PTPRJ: variants seen among roughly 807,000 people sequenced by gnomAD.
PTPRJ encodes protein tyrosine phosphatase receptor type J.
In PTPRJ, 129 loss-of-function variants were observed where a neutral mutation model predicts 141.3. The ratio of observed to expected loss-of-function variants is 0.91; its 90% confidence interval spans 0.79 to 1.06. The LOEUF is 1.06. Ranked by LOEUF, PTPRJ falls within the 50% of genes least tolerant of loss-of-function variation. PTPRJ has a pLI of 0.00. For synonymous variants in PTPRJ, 610 were observed against 640.5 expected, an observed-to-expected ratio of 0.95 and a Z score of 0.72; for missense variants, 1,601 against 1,679.7, an observed-to-expected ratio of 0.95 and a Z score of 0.82.
intron 1 of PTPRJ, among the ~76,000 whole-genome samples, chr11:48,077,571 G>A (rs1019938263): frequency 9.9e-5 from 15 of 152,036 alleles, no homozygotes; most frequent in African/African-American, 3.6e-4. Flanking sequence ...GACTCCCCCC[G>A]ACAGCCTTAC....
intron 1 of PTPRJ, among the ~76,000 whole-genome samples, chr11:48,027,033 C>G (rs1485859822): frequency 2.7e-5 from 3 of 109,514 alleles, no homozygotes; most frequent in South Asian, 3.2e-4. Flanking sequence ...GAGACGGCGT[C>G]TCGCTTTGTT....
At chr11:48,058,156 C>G (rs879324182) in intron 1 of PTPRJ, among the ~76,000 whole-genome samples, 1 of 152,140 alleles carries the variant, frequency 6.6e-6, no homozygotes, top group African/African-American at 2.4e-5. Context: ...AAGTGACCCA[C>G]CTGCCTCTGA....
rs1165128292 is a variant in PTPRJ at position 48,123,881 on chromosome 11, A to G, written c.874+11A>G. On this transcript the variant is annotated intron_variant, in intron 5 of 24. Transcript: ENST00000418331. Reference sequence around the variant, plus strand: ...CAGAAGGTGGCTTGGGTGAGTTACAAAGGGTACCTTCCGTCTCCCTTACTG... The same window carrying G: ...CAGAAGGTGGCTTGGGTGAGTTACAGAGGGTACCTTCCGTCTCCCTTACTG... 3 of 1,611,674 alleles carry G rather than the reference A, an allele frequency of 1.9e-6. No homozygotes were observed. The highest frequency in any genetic ancestry group is 2.5e-6 in the Non-Finnish European group (3 of 1,178,334).
intron 17 of PTPRJ, 48 bp downstream of exon 17, chr11:48,150,046 A>G (rs768577328): frequency 5.2e-6 from 8 of 1,546,368 alleles, no homozygotes; most frequent in Non-Finnish European, 7.1e-6. Flanking sequence ...TTTCTATTGA[A>G]TATGGACTTC....
At chr11:47,996,866 A>G (rs1854351253) in intron 1 of PTPRJ, among the ~76,000 whole-genome samples, 1 of 152,208 alleles carries the variant, frequency 6.6e-6, no homozygotes. Flanking sequence ...CTCTTATTTC[A>G]GAAGACCTGT....
intron 1 of PTPRJ, among the ~76,000 whole-genome samples, chr11:48,091,532 C>T (rs1017572247): frequency 6.6e-6 from 1 of 152,190 alleles, no homozygotes; most frequent in Non-Finnish European, 1.5e-5. Flanking sequence ...AAGTCACCTA[C>T]CCAGCTGATC....
At chr11:47,986,022 T>A (rs1169386283) in intron 1 of PTPRJ, among the ~76,000 whole-genome samples, 1 of 152,080 alleles carries the variant, frequency 6.6e-6, no homozygotes, top group African/African-American at 2.4e-5. Context: ...TAGACAGTCT[T>A]GCTGTGTTGC....
chr11:48,051,818 G>A (rs1854579045), intron 1 of PTPRJ, among the ~76,000 whole-genome samples: 1 of 152,152 alleles, frequency 6.6e-6, no homozygotes, highest in Non-Finnish European at 1.5e-5. Context: ...AGACTTCCTG[G>A]GTTTGAATTC....
intron 1 of PTPRJ, among the ~76,000 whole-genome samples, chr11:48,075,908 C>T (rs1046955210): frequency 6.6e-6 from 1 of 152,194 alleles, no homozygotes; most frequent in Non-Finnish European, 1.5e-5. Flanking sequence ...TGTTTTCTCT[C>T]CTGGAACTGG....
rs1376848508 is a variant in PTPRJ at position 48,167,510 on chromosome 11, A to G, written c.*148A>G. The G allele has an allele frequency of 3.3e-6, 3 of 921,136 alleles. No individual in the cohort carries two copies. Among genetic ancestry groups the G allele is most frequent in the African/African-American group, 1.7e-5 (1 of 58,552 alleles). The allele number at this position is 921,136 out of a possible 1,614,324, so 57.1% of individuals were successfully genotyped here. ...ACTAATTTTGAGGGCATGAAGCTGC[A>G]TATGATAGATGACAAATTGGGGCTG... is the stretch of plus-strand genomic sequence containing the variant. On this transcript the variant is annotated 3_prime_UTR_variant, in exon 25 of 25. Coordinates refer to ENST00000418331, the MANE Select transcript of PTPRJ (RefSeq NM_002843.4).
rs561713718 is a variant in PTPRJ, at chr11:47,982,907, T to G, written c.96+1899T>G. Among the ~76,000 whole-genome samples the G allele has an allele frequency of 1.1e-3, 161 of 152,166 alleles. 3 individuals are homozygous for G. In the Middle Eastern group the frequency reaches 0.014, roughly 13 times the overall value. ...AGGACTCTCTTATTTCTTTTTTTTT[T>G]GGACACATTATGAAATAGGAAGTCT... On this transcript the variant is annotated intron_variant, in intron 1 of 24. Coordinates refer to ENST00000418331, the MANE Select transcript of PTPRJ (RefSeq NM_002843.4).
intron 1 of PTPRJ, among the ~76,000 whole-genome samples, chr11:48,072,174 G>C (rs1855279345): frequency 6.6e-6 from 1 of 152,144 alleles, no homozygotes; most frequent in Admixed American, 6.5e-5. Flanking sequence ...CAAACTGCTG[G>C]GATTACAGGT....
At chr11:48,090,841 G>A (rs758396818) in intron 1 of PTPRJ, among the ~76,000 whole-genome samples, 30 of 152,068 alleles carry the variant, frequency 2.0e-4, no homozygotes, top group African/African-American at 6.8e-4. Flanking sequence ...TGGTCCTGTG[G>A]CCAGCACTCT....
intron 1 of PTPRJ, among the ~76,000 whole-genome samples, chr11:48,066,865 C>T (rs936634157): frequency 4.6e-5 from 7 of 152,110 alleles, no homozygotes; most frequent in East Asian, 1.9e-4. Context: ...GGATTACAGG[C>T]GTGAGCCACC....
chr11:48,144,641 T>G, intron 12 of PTPRJ, 34 bp from the exon 13 acceptor site: 1 of 1,551,990 alleles, frequency 6.4e-7, no homozygotes, highest in Non-Finnish European at 8.9e-7. Flanking sequence ...TGCCATCACT[T>G]TCTTATGATT....
rs1286483283 is a variant in PTPRJ at position 47,980,855 on chromosome 11, C to T, written c.-58C>T. On this transcript the variant is annotated 5_prime_UTR_variant, in exon 1 of 25. Transcript: ENST00000418331. Reference sequence around the variant, plus strand: ...AGGCGGCGACGACGGTGCCCGGGCTCGGGCGCACGGCGGGGCCCGATTCGC... The same window carrying T: ...AGGCGGCGACGACGGTGCCCGGGCTTGGGCGCACGGCGGGGCCCGATTCGC... The T allele has an allele frequency of 1.9e-6, 2 of 1,078,506 alleles. No individual in the cohort carries two copies. Among genetic ancestry groups the T allele is most frequent in the African/African-American group, 1.7e-5 (1 of 59,244 alleles). 66.8% of individuals were successfully genotyped at this position (1,078,506 alleles called of 1,614,324 possible). A position where few individuals can be genotyped will look rare whatever the true frequency, so the allele number is the denominator to read the frequency against.
At position 48,128,064 on chromosome 11, in the gene PTPRJ, C is replaced by T. The variant is rs771069461; in HGVS notation, c.1357+21C>T. The T allele has an allele frequency of 6.9e-6, 11 of 1,602,736 alleles. No individual in the cohort carries two copies. The South Asian group carries it at 9.9e-5, about 14-fold the overall frequency. The stretch of plus-strand genomic sequence containing the variant: ...CACCCGTGAGTTCATGCCTGGCTCT[C>T]ACCACCCTTTCCTGCTGTCCTGCTC... On this transcript the variant is annotated intron_variant, in intron 7 of 24. Transcript: ENST00000418331.
intron 12 of PTPRJ, among the ~76,000 whole-genome samples, chr11:48,144,437 C>T (rs1224998161): frequency 1.3e-5 from 2 of 152,182 alleles, no homozygotes; most frequent in South Asian, 2.1e-4. Flanking sequence ...TTTGTACCTT[C>T]GTTTTCTTGT....
At position 48,153,492 on chromosome 11, in the gene PTPRJ, C is replaced by CAAAAAAAAAA. The variant is rs59516853; in HGVS notation, c.3139-287_3139-278dup. The stretch of plus-strand genomic sequence containing the variant: ...TGGGCGACAGAGCGAGACTCTGTCT[C>CAAAAAAAAAA]AAAAAAAAAAAAAAAAAAAAAAAAA... On this transcript the variant is annotated intron_variant, in intron 18 of 24. Coordinates refer to ENST00000418331, the MANE Select transcript of PTPRJ (RefSeq NM_002843.4). Among the ~76,000 whole-genome samples the CAAAAAAAAAA allele has an allele frequency of 5.8e-5, 4 of 68,438 alleles. 1 individual carries two copies. Among genetic ancestry groups the CAAAAAAAAAA allele is most frequent in the East Asian group, 5.0e-4 (1 of 1,998 alleles). The allele number at this position is 68,438 out of a possible 152,430, so 44.9% of individuals were successfully genotyped here.
Sources: gnomAD v4.1 joint callset for allele counts (sites outside exome capture counted in the v4.1 genomes callset) on GRCh38, gnomAD v4.1.1 for gene constraint, MANE v1.5 for transcripts, NCBI Gene and HGNC (gene_info 2026-07-23, HGNC 2026-07-21) for gene names.